SLC5A2: variants seen among roughly 807,000 people sequenced by gnomAD.
SLC5A2 encodes solute carrier family 5 member 2.
Under a neutral mutation model 69.0 loss-of-function variants are expected in SLC5A2, and 67 were observed. The ratio of observed to expected loss-of-function variants is 0.97; its 90% confidence interval spans 0.80 to 1.19. SLC5A2 has a LOEUF of 1.19. Among genes scored for constraint, SLC5A2 ranks in the 50% most tolerant of loss-of-function variants. SLC5A2 has a pLI of 0.00. For synonymous variants in SLC5A2, 455 were observed against 395.8 expected (o/e 1.15, Z -1.78); for missense variants, 1,001 against 921.5 (o/e 1.09, Z -1.12).
intron 9 of SLC5A2, 34 bp from the exon 10 acceptor site, chr16:31,488,588 T>G (rs757192207): frequency 1.9e-5 from 30 of 1,609,628 alleles, no homozygotes; most frequent in Non-Finnish European, 2.4e-5. Context: ...GGACCCCCAG[T>G]GGCCCCAGCC....
intron 12 of SLC5A2, chr16:31,489,662 T>G (rs2082542316): frequency 2.0e-6 from 1 of 496,674 alleles, no homozygotes; most frequent in East Asian, 3.9e-5. Flanking sequence ...TTGGTTTTGT[T>G]GCCAAAGGGC....
At chr16:31,489,997 G>C (rs1596622432) in intron 12 of SLC5A2, 107 bp from the exon 13 acceptor site, 1 of 1,470,652 alleles carries the variant, frequency 6.8e-7, no homozygotes, top group East Asian at 2.4e-5. Flanking sequence ...GTGTAGACTG[G>C]ACAGAGGTGG....
Position 31,488,705 on chromosome 16 carries a change from T to C in SLC5A2, c.1213T>C (p.Phe405Leu). 1.2e-6 allele frequency: 2 copies of C among 1,611,236 alleles called. No homozygotes were observed. Among genetic ancestry groups the C allele is most frequent in the Non-Finnish European group, 8.5e-7 (1 of 1,179,016 alleles). Residue 405 changes from phenylalanine (F) to leucine (L), a missense_variant, in exon 10 of 14, where the codon TTC becomes CTC. Physicochemically the swap from Phe to Leu is conservative, Grantham distance 22. Transcript: ENST00000330498. ...CATCTTCAACAGCAGCAGCACGCTC[T>C]TCACCATGGACATCTACACGCGCCT... ...ASIFNSSSTL[F>L]TMDIYTRLRP...
At position 31,489,249 on chromosome 16, in the gene SLC5A2, T is replaced by C. The variant is rs1337480497; in HGVS notation, c.1576T>C (p.Tyr526His). The C allele has an allele frequency of 1.2e-6, 2 of 1,610,768 alleles. No homozygotes were observed. Among genetic ancestry groups the C allele is most frequent in the South Asian group, 1.1e-5 (1 of 91,086 alleles). ...ACPAFLCGVH[Y>H]LYFAIVLFFC... is the part of the protein sequence containing the mutation. ...CCCAGCTTTCCTCTGCGGCGTGCAC[T>C]ACCTCTACTTCGCCATTGTGCTGTT... Residue 526 changes from tyrosine to histidine, a missense_variant, in exon 12 of 14, where the codon TAC becomes CAC. Transcript: ENST00000330498.
In SLC5A2 at chr16:31,489,166, C is replaced by A. The variant is rs1349307648; in HGVS notation, c.1493C>A (p.Ala498Glu). The stretch of plus-strand genomic sequence containing the variant: ...ATCGGGGGCCTGCTGATGGGCCTGG[C>A]ACGCCTGATTCCCGAGTTCTCCTTC... The part of the protein sequence containing the change: ...GLIGGLLMGL[A>E]RLIPEFSFGS... Residue 498 changes from alanine to glutamate, a missense_variant, in exon 12 of 14, where the codon GCA (alanine) becomes GAA (glutamate). By Grantham distance (107) the Ala-to-Glu change is moderately radical. Transcript: ENST00000330498. 1 of 1,609,922 alleles carries A rather than the reference C, an allele frequency of 6.2e-7. No homozygotes were observed. Among genetic ancestry groups the A allele is most frequent in the African/African-American group, 1.3e-5 (1 of 74,946 alleles).
intron 1 of SLC5A2, 138 bp downstream of exon 1, chr16:31,483,400 T>C: frequency 3.4e-6 from 4 of 1,179,412 alleles, no homozygotes; most frequent in South Asian, 1.2e-5. Context: ...AGCAGGTCTT[T>C]GGAAGTTCTC....
chr16:31,487,422 A>C, intron 6 of SLC5A2, 22 bp downstream of exon 6: 1 of 1,612,252 alleles, frequency 6.2e-7, no homozygotes, highest in Non-Finnish European at 8.5e-7. Context: ...CCTACCAGGG[A>C]GGGGCGCGGA....
rs1411146402 is a variant in SLC5A2 at position 31,489,143 on chromosome 16, C to T, written c.1470C>T (p.Ile490=). Residue 490 remains isoleucine, a synonymous_variant, in exon 12 of 14, where the codon ATC becomes ATT. Transcript: ENST00000330498. ...VNEQGAFWGL[I]GGLLMGLARL... ...CGCAGGGCGCCTTCTGGGGACTCAT[C>T]GGGGGCCTGCTGATGGGCCTGGCAC... 1.2e-6 allele frequency: 2 copies of T among 1,609,198 alleles called. No individual in the cohort carries two copies. The highest frequency in any genetic ancestry group is 1.7e-6 in the Non-Finnish European group (2 of 1,179,984).
chr16:31,484,797 A>G, intron 2 of SLC5A2, 22 bp from the exon 3 acceptor site: 1 of 1,611,742 alleles, frequency 6.2e-7, no homozygotes, highest in Non-Finnish European at 8.5e-7. Context: ...AGCCCTGCTC[A>G]CTCCCTCCTC....
Position 31,484,843 on chromosome 16 carries a change from A to G in SLC5A2, c.223A>G (p.Asn75Asp). The G allele has an allele frequency of 6.2e-7, 1 of 1,613,902 alleles. No homozygotes were observed. The highest frequency in any genetic ancestry group is 2.2e-5 in the East Asian group (1 of 44,886). ...GGTTGGGGCCTCTCTCTTCGCCAGC[A>G]ACATCGGCAGTGGCCACTTTGTGGG... ...WPVGASLFAS[N>D]IGSGHFVGLA... Residue 75 changes from asparagine (N) to aspartate (D), a missense_variant, in exon 3 of 14, where the codon AAC (asparagine) becomes GAC (aspartate). By Grantham distance (23) the Asn-to-Asp change is conservative (BLOSUM62 1). Transcript: ENST00000330498.
rs771215763 is a variant in SLC5A2, at chr16:31,488,052, C to A, written c.900C>A (p.Arg300=). ...CCCTCCCGTAGGTCATCGTGCAGCGCTGCCTGGCCGGGAAGAGCCTGACCC... is the reference window on the plus strand; with the variant it reads ...CCCTCCCGTAGGTCATCGTGCAGCGATGCCTGGCCGGGAAGAGCCTGACCC... ...YWCSDQVIVQ[R]CLAGKSLTHI... The change falls in exon 8 of 14, where the codon CGC becomes CGA. Residue 300 remains arginine (R), a synonymous_variant. Coordinates refer to ENST00000330498, the MANE Select transcript of SLC5A2 (RefSeq NM_003041.4). 12 of 1,613,646 alleles carry A rather than the reference C, an allele frequency of 7.4e-6. No individual in the cohort carries two copies. The South Asian group carries it at 1.1e-4, about 15-fold the overall frequency.
Position 31,488,051 on chromosome 16 carries a change from G to C in SLC5A2, c.899G>C (p.Arg300Pro). Residue 300 changes from arginine to proline, a missense_variant, in exon 8 of 14, where the codon CGC (arginine) becomes CCC (proline). Physicochemically the swap from Arg to Pro is moderately radical, Grantham distance 103. Transcript: ENST00000330498. ...YWCSDQVIVQ[R>P]CLAGKSLTHI... ...CCCCTCCCGTAGGTCATCGTGCAGC[G>C]CTGCCTGGCCGGGAAGAGCCTGACC... The C allele has an allele frequency of 6.2e-7, 1 of 1,613,658 alleles. No individual in the cohort carries two copies. Among genetic ancestry groups the C allele is most frequent in the South Asian group, 1.1e-5 (1 of 91,090 alleles).
chr16:31,490,037 AAG>A lies in SLC5A2; in HGVS notation c.1666-63_1666-62del, dbSNP rs2082547863. 3.1e-6 allele frequency: 5 copies of A among 1,607,182 alleles called. No homozygotes were observed. In the South Asian group the frequency reaches 4.4e-5, roughly 14 times the overall value. The stretch of plus-strand genomic sequence containing the variant: ...GGCAGGCAGTGACGAGCTGGTGTGC[AAG>A]AGACTTTAGGGCCAGGCATGGGGGG... On this transcript the variant is annotated intron_variant, in intron 12 of 13. Coordinates refer to ENST00000330498, the MANE Select transcript of SLC5A2 (RefSeq NM_003041.4).
intron 12 of SLC5A2, chr16:31,489,691 C>A (rs2082542669): frequency 2.1e-6 from 1 of 467,102 alleles, no homozygotes; most frequent in Admixed American, 3.4e-5. Flanking sequence ...CCAGGCAGGG[C>A]TGATGGTGGC....
chr16:31,490,286 T>G, intron 13 of SLC5A2, 23 bp from the exon 14 acceptor site: 1 of 1,613,602 alleles, frequency 6.2e-7, no homozygotes, highest in Non-Finnish European at 8.5e-7. Context: ...GCAAACTAAC[T>G]GCAGGGCCTC....
Position 31,490,378 on chromosome 16 carries a change from G to A in SLC5A2, c.1862G>A (p.Gly621Glu), listed in dbSNP as rs777035063. Residue 621 changes from glycine to glutamate, a missense_variant, in exon 14 of 14, where the codon GGG becomes GAG. Gly to Glu is a moderately conservative substitution (Grantham distance 98). Transcript: ENST00000330498. ...LLWFCGMSRG[G>E]VGSPPPLTQE... ...TGGTTTTGTGGAATGAGCAGAGGTG[G>A]GGTGGGCAGTCCTCCGCCCCTTACC... 2.5e-6 allele frequency: 4 copies of A among 1,613,286 alleles called. No homozygotes were observed. In the South Asian group the frequency reaches 3.3e-5, roughly 13 times the overall value.
intron 5 of SLC5A2, 60 bp downstream of exon 5, chr16:31,486,335 G>A (rs1470723983): frequency 7.5e-7 from 1 of 1,339,380 alleles, no homozygotes; most frequent in African/African-American, 1.4e-5. Context: ...GCTGTGGCCA[G>A]GGTTTAGGGA....
At chr16:31,488,262 G>T in intron 8 of SLC5A2, 89 bp downstream of exon 8, 1 of 1,606,792 alleles carries the variant, frequency 6.2e-7, no homozygotes. Context: ...GGCAGTTTGG[G>T]CCCGGAGTCC....
In SLC5A2 at chr16:31,489,264, AT is replaced by A. The variant is rs757061289; in HGVS notation, c.1593del (p.Ile531MetfsTer66). 9.9e-6 allele frequency: 16 copies of A among 1,610,774 alleles called. No individual in the cohort carries two copies. Among genetic ancestry groups the A allele is most frequent in the Non-Finnish European group, 1.3e-5 (15 of 1,180,010 alleles). On this transcript the variant is annotated frameshift_variant, in exon 12 of 14. Coordinates refer to ENST00000330498, the MANE Select transcript of SLC5A2 (RefSeq NM_003041.4). LOFTEE classifies it high-confidence loss of function. ...CGGCGTGCACTACCTCTACTTCGCCATTGTGCTGTTCTTCTGCTCTGGCCTC... is the reference window on the plus strand; with the variant it reads ...CGGCGTGCACTACCTCTACTTCGCCATGTGCTGTTCTTCTGCTCTGGCCTC... The part of the protein sequence containing the change: ...LCGVHYLYFA[I>X]VLFFCSGLLT...
Sources: allele counts gnomAD v4.1 joint callset, GRCh38; gene constraint gnomAD v4.1.1; transcripts MANE v1.5; gene names NCBI Gene and HGNC (gene_info 2026-07-23, HGNC 2026-07-21).